Variants in TLL2 observed in about 807,000 individuals in gnomAD.
TLL2 encodes tolloid-like protein 2.
In TLL2, 106 loss-of-function variants were observed where a neutral mutation model predicts 123.0. The observed-to-expected ratio is 0.86, with a 90% CI of 0.74 to 1.01. TLL2 has a LOEUF of 1.01. TLL2 is among the 50% of genes least tolerant of loss of function. The pLI is 0.00. For missense variants in TLL2, 1,332 were observed against 1,336.7 expected (o/e 1.00, Z 0.06); for synonymous variants, 494 against 516.8 (o/e 0.96, Z 0.60).
At chr10:96,415,107 T>C (rs1258800277) in intron 7 of TLL2, among the ~76,000 whole-genome samples, 2 of 152,164 alleles carry the variant, frequency 1.3e-5, no homozygotes, top group African/African-American at 4.8e-5. Context: ...TTCACCAACT[T>C]CCAGTCACCA....
intron 20 of TLL2, 105 bp from the exon 21 acceptor site, chr10:96,368,327 G>C (rs930264968): frequency 3.7e-6 from 5 of 1,363,916 alleles, no homozygotes; most frequent in Non-Finnish European, 5.0e-6. Context: ...ATGTGTCTCT[G>C]GTACCAGAGA....
intron 1 of TLL2, 101 bp downstream of exon 1, chr10:96,513,410 A>G: frequency 1.4e-6 from 2 of 1,442,566 alleles, no homozygotes; most frequent in Non-Finnish European, 1.9e-6. Flanking sequence ...AGGGGAGGGG[A>G]GGGGAGACCC....
intron 6 of TLL2, among the ~76,000 whole-genome samples, chr10:96,421,880 A>G (rs893389681): frequency 1.3e-5 from 2 of 152,112 alleles, no homozygotes; most frequent in Non-Finnish European, 2.9e-5. Context: ...CAAAAACCTG[A>G]TCTTGCAATT....
At chr10:96,443,653 T>A (rs1022006525) in intron 3 of TLL2, among the ~76,000 whole-genome samples, 91 of 152,120 alleles carry the variant, frequency 6.0e-4, no homozygotes, top group Non-Finnish European at 1.5e-4. Context: ...ATAAATCACA[T>A]AAATAAGGAA....
Position 96,450,058 on chromosome 10 carries a change from A to G in TLL2, c.287-3890T>C, listed in dbSNP as rs920201867. Among the ~76,000 whole-genome samples, 3 of 152,208 alleles carry G rather than the reference A, an allele frequency of 2.0e-5. No individual in the cohort carries two copies. In the East Asian group the frequency reaches 5.8e-4, roughly 29 times the overall value. On this transcript the variant is annotated intron_variant, in intron 2 of 20. Coordinates refer to ENST00000357947, the MANE Select transcript of TLL2 (RefSeq NM_012465.4). ...GGAAGGGATTTTGTTATGTCTAACA[A>G]TGAATACCCAGCACCAGACCTGGCA... is the stretch of plus-strand genomic sequence containing the variant.
intron 9 of TLL2, among the ~76,000 whole-genome samples, chr10:96,407,919 C>T (rs903016176): frequency 6.6e-6 from 1 of 152,214 alleles, no homozygotes; most frequent in Non-Finnish European, 1.5e-5. Context: ...TGTCACTCCT[C>T]TTTCAAACTA....
intron 2 of TLL2, among the ~76,000 whole-genome samples, chr10:96,456,598 A>T (rs1847018501): frequency 6.6e-6 from 1 of 152,236 alleles, no homozygotes; most frequent in South Asian, 2.1e-4. Flanking sequence ...AAGACTGAGC[A>T]GGTCCTTCCT....
chr10:96,410,470 A>G lies in TLL2; in HGVS notation c.1053T>C (p.Cys351=). ...QARKLYKCPA[C]GETLQDTTGN... ...CCGTTGTGTCCTGCAGGGTCTCCCC[A>G]CACGCTGCACAAGCAAAATCACAAC... The change falls in exon 9 of 21, where the codon TGT becomes TGC. Residue 351 remains cysteine (C), a synonymous_variant. Coordinates refer to ENST00000357947, the MANE Select transcript of TLL2 (RefSeq NM_012465.4). 1 of 1,613,722 alleles carries G rather than the reference A, an allele frequency of 6.2e-7. No individual in the cohort carries two copies. Among genetic ancestry groups the G allele is most frequent in the African/African-American group, 1.3e-5 (1 of 75,024 alleles).
intron 1 of TLL2, among the ~76,000 whole-genome samples, chr10:96,496,938 AG>A (rs1457486251): frequency 6.6e-6 from 1 of 152,010 alleles, no homozygotes; most frequent in Non-Finnish European, 1.5e-5. Context: ...TGGAGTGGGG[AG>A]GGGGTTGCCT....
At chr10:96,387,490 G>A (rs1234702001) in intron 13 of TLL2, among the ~76,000 whole-genome samples, 1 of 152,178 alleles carries the variant, frequency 6.6e-6, no homozygotes, top group African/African-American at 2.4e-5. Flanking sequence ...ATTAAATAAA[G>A]GGTGAAGACA....
intron 2 of TLL2, among the ~76,000 whole-genome samples, chr10:96,454,683 A>G (rs753230760): frequency 2.0e-5 from 3 of 152,202 alleles, no homozygotes; most frequent in Non-Finnish European, 2.9e-5. Flanking sequence ...TGTATATCAA[A>G]CCATCCCTCC....
intron 1 of TLL2, among the ~76,000 whole-genome samples, chr10:96,483,631 T>C (rs1055461492): frequency 7.2e-5 from 11 of 152,198 alleles, no homozygotes; most frequent in African/African-American, 2.7e-4. Context: ...TCACAAGATC[T>C]TGGACTTGGA....
At chr10:96,432,688 G>A (rs78312615) in intron 4 of TLL2, 119 bp downstream of exon 4, 1 of 1,309,416 alleles carries the variant, frequency 7.6e-7, no homozygotes, top group African/African-American at 1.5e-5. Context: ...ATCATCTGTA[G>A]GCCTGCTGTG....
intron 10 of TLL2, among the ~76,000 whole-genome samples, chr10:96,403,850 G>C (rs1846421220): frequency 1.3e-5 from 2 of 152,128 alleles, no homozygotes. Context: ...ACTGCCCTGT[G>C]GTGGGAGGCA....
rs773843896 is a variant in TLL2, at chr10:96,513,506, C to A, written c.175+5G>T. ...CTGCGGGACTTCCCCAGCGGCGGCA[C>A]CTACCGGCTTTGCAAGGGTCGTGGT... On this transcript the variant is annotated splice_donor_5th_base_variant and intron_variant, in intron 1 of 20. Transcript: ENST00000357947. 2 of 1,612,276 alleles carry A rather than the reference C, an allele frequency of 1.2e-6. No individual in the cohort carries two copies. Among genetic ancestry groups the A allele is most frequent in the Non-Finnish European group, 1.7e-6 (2 of 1,179,588 alleles).
chr10:96,449,998 T>A (rs1846940132), intron 2 of TLL2, among the ~76,000 whole-genome samples: 1 of 152,206 alleles, frequency 6.6e-6, no homozygotes, highest in South Asian at 2.1e-4. Flanking sequence ...TTTACTCAGC[T>A]GAATCCCCCA....
In TLL2 at chr10:96,395,387, AG is replaced by A. The variant is rs1444191395; in HGVS notation, c.1531-6del. Reference sequence around the variant, plus strand: ...ACAGCTGTCGTGCCTTTCAATCTAAAGGAAGAAACAGAGGCAAGGTGGATGG... The same window carrying A: ...ACAGCTGTCGTGCCTTTCAATCTAAAGAAGAAACAGAGGCAAGGTGGATGG... On this transcript the variant is annotated splice_polypyrimidine_tract_variant and splice_region_variant and intron_variant, in intron 12 of 20. Transcript: ENST00000357947. 1 of 1,572,362 alleles carries A rather than the reference AG, an allele frequency of 6.4e-7. No individual in the cohort carries two copies. Among genetic ancestry groups the A allele is most frequent in the Non-Finnish European group, 8.6e-7 (1 of 1,159,604 alleles).
intron 17 of TLL2, 134 bp downstream of exon 17, chr10:96,378,833 A>T (rs935998791): frequency 1.6e-6 from 2 of 1,213,862 alleles, no homozygotes; most frequent in Admixed American, 4.0e-5. Flanking sequence ...CCGCAAGGAC[A>T]GCAGTTGCTG....
intron 1 of TLL2, among the ~76,000 whole-genome samples, chr10:96,504,647 A>G (rs1269837448): frequency 3.3e-5 from 5 of 152,116 alleles, no homozygotes. Context: ...AATCCCTTAA[A>G]ATCCCATAAA....
Sources: allele counts gnomAD v4.1 joint callset (sites outside exome capture counted in the v4.1 genomes callset), GRCh38; gene constraint gnomAD v4.1.1; transcripts MANE v1.5; gene names NCBI Gene and HGNC (gene_info 2026-07-23, HGNC 2026-07-21).